The following SLC22A23 variants were observed in gnomAD, a reference collection of about 807,000 sequenced individuals.
SLC22A23 encodes the protein solute carrier family 22 member 23, also known as ion transporter protein.
In SLC22A23, 26 loss-of-function variants were observed where a neutral mutation model predicts 61.0. The ratio of observed to expected loss-of-function variants is 0.43; its 90% CI spans 0.31 to 0.59. The LOEUF is 0.59. Among genes scored for constraint, SLC22A23 ranks in the 20% least tolerant of loss-of-function variants. The pLI, the probability that SLC22A23 is intolerant of heterozygous loss-of-function variation, is 0.11. For synonymous variants in SLC22A23, 430 were observed against 413.9 expected, an observed-to-expected ratio of 1.04 and a Z score of -0.47; for missense variants, 796 against 934.7, an observed-to-expected ratio of 0.85 and a Z score of 1.94.
At chr6:3,345,514 C>T (rs573460392) in intron 3 of SLC22A23, among the ~76,000 whole-genome samples, 2 of 151,970 alleles carry the variant, frequency 1.3e-5, no homozygotes, top group South Asian at 2.1e-4. Context: ...TACAGGTATG[C>T]ACCAACACAC....
Position 3,455,951 on chromosome 6 carries a change from C to G in SLC22A23, c.609G>C (p.Trp203Cys). ...CGAGGCCGGCGCGGATGCCGTAGTC[C>G]CATGCGCGGCAGTCACAGTTGGAGG... Reference protein sequence around the residue: ...DNASNCDCRAWDYGIRAGLVQ... With the variant: ...DNASNCDCRACDYGIRAGLVQ... Residue 203 changes from tryptophan (W) to cysteine (C), a missense_variant, in exon 1 of 10, where the codon TGG becomes TGC. Physicochemically the swap from Trp to Cys is radical, Grantham distance 215 (BLOSUM62 -2). Transcript: ENST00000406686. The G allele has an allele frequency of 6.5e-7, 1 of 1,537,746 alleles. No individual in the cohort carries two copies. The highest frequency in any genetic ancestry group is 8.8e-7 in the Non-Finnish European group (1 of 1,139,150).
intron 1 of SLC22A23, among the ~76,000 whole-genome samples, chr6:3,453,802 G>T (rs1380374670): frequency 1.3e-5 from 2 of 152,176 alleles, no homozygotes; most frequent in African/African-American, 4.8e-5. Context: ...CTGAAAGAAG[G>T]CAAAGGCTCC....
At chr6:3,280,182 C>A (rs1032052306) in intron 9 of SLC22A23, among the ~76,000 whole-genome samples, 1 of 152,146 alleles carries the variant, frequency 6.6e-6, no homozygotes, top group Non-Finnish European at 1.5e-5. Flanking sequence ...GAGCCCAGGC[C>A]CTTTGCACAT....
chr6:3,325,225 AGCTCATCTGCTG>A (rs1417544098), intron 3 of SLC22A23, among the ~76,000 whole-genome samples: 6 of 149,358 alleles, frequency 4.0e-5, no homozygotes, highest in African/African-American at 1.3e-4. Flanking sequence ...CAGCTGTGAC[AGCTCATCTGCTG>A]GGTGTCTAGA....
intron 9 of SLC22A23, among the ~76,000 whole-genome samples, chr6:3,275,631 G>C (rs1447974112): frequency 6.6e-6 from 1 of 152,226 alleles, no homozygotes; most frequent in Non-Finnish European, 1.5e-5. Flanking sequence ...CGCACAGGCT[G>C]GAGTGTAGTG....
In SLC22A23 at chr6:3,410,777, G is replaced by A. The variant is rs2127514236; in HGVS notation, c.759-435C>T. Among the ~76,000 whole-genome samples the A allele has an allele frequency of 6.6e-6, 1 of 152,292 alleles. No individual in the cohort carries two copies. Among genetic ancestry groups the A allele is most frequent in the Non-Finnish European group, 1.5e-5 (1 of 68,022 alleles). On this transcript the variant is annotated intron_variant, in intron 2 of 9. Coordinates refer to ENST00000406686, the MANE Select transcript of SLC22A23 (RefSeq NM_015482.2). This position sits in a 1 kb window ranked among gnomAD's most constrained non-coding sequence, Gnocchi z 5.0. ...CATGGTCACCAAGCAAAGCGGCTTT[G>A]TTTCCTCTCCCCAGGTTGTTAACTA...
chr6:3,355,000 T>C (rs1288666478), intron 3 of SLC22A23, among the ~76,000 whole-genome samples: 3 of 152,128 alleles, frequency 2.0e-5, no homozygotes, highest in Non-Finnish European at 2.9e-5. Flanking sequence ...TGTGCTACAC[T>C]CTTTCCTTTA....
At chr6:3,292,170 C>A (rs553151388) in intron 5 of SLC22A23, among the ~76,000 whole-genome samples, 4 of 152,346 alleles carry the variant, frequency 2.6e-5, no homozygotes, top group Non-Finnish European at 5.9e-5. Context: ...AGCCTGTCAA[C>A]AACAGCATGA....
intron 4 of SLC22A23, among the ~76,000 whole-genome samples, chr6:3,303,575 T>C (rs1761768739): frequency 6.6e-6 from 1 of 152,232 alleles, no homozygotes; most frequent in Non-Finnish European, 1.5e-5. Context: ...AAAGACATTA[T>C]GTTACGAGAA....
chr6:3,295,636 G>A (rs1761024667), intron 5 of SLC22A23, among the ~76,000 whole-genome samples: 1 of 152,212 alleles, frequency 6.6e-6, no homozygotes, highest in South Asian at 2.1e-4. Flanking sequence ...ATTAGATGGG[G>A]TGATGGGAGG....
At chr6:3,363,308 C>T (rs1437966389) in intron 3 of SLC22A23, among the ~76,000 whole-genome samples, 1 of 152,238 alleles carries the variant, frequency 6.6e-6, no homozygotes, top group Non-Finnish European at 1.5e-5. Context: ...ACATGTGTCA[C>T]AGCAGGATTG....
intron 5 of SLC22A23, among the ~76,000 whole-genome samples, chr6:3,294,268 C>T (rs1760879692): frequency 6.6e-6 from 1 of 151,280 alleles, no homozygotes; most frequent in South Asian, 2.1e-4. Flanking sequence ...TATCTTACTA[C>T]CATTTGAGCA....
At chr6:3,389,259 ACT>A (rs1767505795) in intron 3 of SLC22A23, among the ~76,000 whole-genome samples, 1 of 111,356 alleles carries the variant, frequency 9.0e-6, no homozygotes, top group Admixed American at 1.0e-4. Context: ...CAAGAGCAAA[ACT>A]CTGTCTCAAA....
intron 3 of SLC22A23, among the ~76,000 whole-genome samples, chr6:3,383,525 G>C (rs1561941400): frequency 2.6e-5 from 4 of 152,194 alleles, no homozygotes; most frequent in Non-Finnish European, 5.9e-5. Context: ...TCAGTGTGAC[G>C]AGCGCTATGA....
At chr6:3,325,896 A>T (rs1763252370) in intron 3 of SLC22A23, among the ~76,000 whole-genome samples, 1 of 152,254 alleles carries the variant, frequency 6.6e-6, no homozygotes, top group Admixed American at 6.5e-5. Context: ...AAACAGCATG[A>T]TGGCGTCGTA....
chr6:3,445,752 G>C (rs1771863233), intron 1 of SLC22A23, among the ~76,000 whole-genome samples: 1 of 152,114 alleles, frequency 6.6e-6, no homozygotes, highest in African/African-American at 2.4e-5. Flanking sequence ...GCATGAGCAA[G>C]GCACAAGGCA....
chr6:3,413,111 T>C (rs547813872), intron 2 of SLC22A23, among the ~76,000 whole-genome samples: 1 of 152,078 alleles, frequency 6.6e-6, no homozygotes, highest in Non-Finnish European at 1.5e-5. Context: ...CCCACTCAAA[T>C]GAAGTGACTG....
chr6:3,287,937 G>A (rs1301289312), intron 6 of SLC22A23, among the ~76,000 whole-genome samples: 1 of 152,162 alleles, frequency 6.6e-6, no homozygotes, highest in Non-Finnish European at 1.5e-5. Context: ...CGCCTGCCTT[G>A]GCTTCCCAAA....
intron 3 of SLC22A23, among the ~76,000 whole-genome samples, chr6:3,381,639 G>A (rs780476663): frequency 4.6e-5 from 7 of 152,144 alleles, no homozygotes; most frequent in African/African-American, 1.4e-4. Context: ...CTGGCCCAGC[G>A]CCCTGCCTTC....
Sources: allele counts gnomAD v4.1 joint callset (sites outside exome capture counted in the v4.1 genomes callset), GRCh38; gene constraint gnomAD v4.1.1; non-coding constraint Gnocchi (gnomAD v3.1); transcripts MANE v1.5; gene names NCBI Gene and HGNC (gene_info 2026-07-23, HGNC 2026-07-21).